MRAP: variants seen among roughly 807,000 people sequenced by gnomAD.
MRAP encodes the protein melanocortin-2 receptor accessory protein.
A neutral mutation model predicts 8.7 loss-of-function variants in MRAP; 8 were observed. That is an observed-to-expected ratio of 0.92 (90% CI 0.54 to 1.66). The LOEUF is 1.66. MRAP is among the 40% of genes most tolerant of loss of function. MRAP has a pLI of 0.00. For missense variants in MRAP, 237 were observed against 217.1 expected (o/e 1.09, Z -0.58); for synonymous variants, 95 against 95.5 (o/e 1.00, Z 0.03).
chr21:32,311,430 A>C, intron 2 of MRAP: 2 of 217,186 alleles, frequency 9.2e-6, no homozygotes, highest in South Asian at 2.7e-4. Context: ...CCCCATCCTA[A>C]ATCAATGTAG....
chr21:32,309,577 G>A (rs970498098), intron 2 of MRAP, among the ~76,000 whole-genome samples: 5 of 148,756 alleles, frequency 3.4e-5, no homozygotes, highest in Non-Finnish European at 6.0e-5. Flanking sequence ...TCAGCCTCCC[G>A]AGTAGCTGGG....
intron 2 of MRAP, 39 bp downstream of exon 2, chr21:32,306,778 C>T (rs1568799580): frequency 6.7e-6 from 10 of 1,497,710 alleles, no homozygotes; most frequent in East Asian, 4.5e-5. Context: ...GTCACTCAGA[C>T]GCTCTCCAGT....
upstream of MRAP, among the ~76,000 whole-genome samples, chr21:32,295,032 T>C (rs1266945266): frequency 3.3e-5 from 5 of 151,618 alleles, no homozygotes; most frequent in East Asian, 9.6e-4. Flanking sequence ...TATAGTATTC[T>C]ATCCAAGGCA....
At chr21:32,308,716 G>C (rs970781489) in intron 2 of MRAP, 3 of 152,942 alleles carry the variant, frequency 2.0e-5, no homozygotes, top group South Asian at 4.1e-4. Context: ...CCTGGCAAAA[G>C]AGCTGGGACT....
At chr21:32,300,945 CAAT>C (rs2032279012) in intron 1 of MRAP, among the ~76,000 whole-genome samples, 2 of 149,702 alleles carry the variant, frequency 1.3e-5, no homozygotes, top group South Asian at 2.1e-4. Context: ...TATGTCATAT[CAAT>C]GATATATCAT....
chr21:32,301,602 A>T (rs1351615162), intron 1 of MRAP, among the ~76,000 whole-genome samples: 1 of 152,228 alleles, frequency 6.6e-6, no homozygotes, highest in Non-Finnish European at 1.5e-5. Context: ...TCAATCTTAC[A>T]GCAGCAATAC....
rs572246057 is a variant in MRAP at position 32,303,361 on chromosome 21, T to C, written c.107-3279T>C. 1.1e-4 allele frequency among the ~76,000 whole-genome samples: 17 copies of C among 152,310 alleles called. 1 individual carries two copies. In the South Asian group the frequency reaches 3.3e-3, roughly 30 times the overall value. ...ATGGAGGAATGCTAAAACTGTTTAT[T>C]TAACAAAACAGAAGTGTCTACTATA... On this transcript the variant is annotated intron_variant, in intron 1 of 2. Coordinates refer to ENST00000303645, the MANE Select transcript of MRAP (RefSeq NM_001379228.1).
chr21:32,299,420 G>A (rs962370530), intron 1 of MRAP, among the ~76,000 whole-genome samples: 2 of 152,044 alleles, frequency 1.3e-5, no homozygotes, highest in East Asian at 1.9e-4. Flanking sequence ...CTGCAACCTC[G>A]ACTGCCCTGG....
rs147739525 is a variant in MRAP, at chr21:32,305,795, CCA to C, written c.107-842_107-841del. Among the ~76,000 whole-genome samples, 726 of 152,168 alleles carry C rather than the reference CCA, an allele frequency of 4.8e-3. 6 individuals are homozygous for C. Among genetic ancestry groups the C allele is most frequent in the African/African-American group, 0.016 (674 of 41,504 alleles). ...TAATTACGAGCCGGATTGCCCACAGCCACAGACAACCACCAAGAAAAACTGTC... is the reference window on the plus strand; with the variant it reads ...TAATTACGAGCCGGATTGCCCACAGCCAGACAACCACCAAGAAAAACTGTC... On this transcript the variant is annotated intron_variant, in intron 1 of 2. Transcript: ENST00000303645.
intron 2 of MRAP, 198 bp from the exon 3 acceptor site, chr21:32,311,486 A>G: frequency 1.7e-6 from 1 of 587,112 alleles, no homozygotes; most frequent in Non-Finnish European, 2.7e-6. Flanking sequence ...GTTCCTGACA[A>G]AGCACTTCCT....
upstream of MRAP, among the ~76,000 whole-genome samples, chr21:32,295,840 G>T (rs1601093445): frequency 6.6e-6 from 1 of 152,112 alleles, no homozygotes; most frequent in Non-Finnish European, 1.5e-5. Context: ...GCCAGACGTG[G>T]TGGCACCTGC....
At chr21:32,294,096 T>A (rs2123488151), upstream of MRAP, among the ~76,000 whole-genome samples, 1 of 152,206 alleles carries the variant, frequency 6.6e-6, no homozygotes, top group East Asian at 1.9e-4. Flanking sequence ...TGTAGAGGTA[T>A]CTACTGGTTT....
At chr21:32,299,311 G>A (rs1054049438) in intron 1 of MRAP, among the ~76,000 whole-genome samples, 2 of 152,180 alleles carry the variant, frequency 1.3e-5, no homozygotes, top group Admixed American at 1.3e-4. Flanking sequence ...AGACACTTTG[G>A]AAGCAGAATT....
At chr21:32,314,557 C>A (rs549308396), downstream of MRAP, 74 of 1,613,692 alleles carry the variant, frequency 4.6e-5, no homozygotes, top group South Asian at 7.6e-4. Flanking sequence ...TCAGCTTTAA[C>A]ACAGATGAAT....
At chr21:32,303,987 T>G (rs2833758) in intron 1 of MRAP, among the ~76,000 whole-genome samples, 31,898 of 152,138 alleles carry the variant, frequency 0.21, 5,244 homozygotes, top group African/African-American at 0.46. Context: ...TTGCTCAATA[T>G]CTGGGGATGA....
At chr21:32,309,449 A>ATT (rs375525509) in intron 2 of MRAP, among the ~76,000 whole-genome samples, 5 of 143,898 alleles carry the variant, frequency 3.5e-5, no homozygotes, top group African/African-American at 1.0e-4. Flanking sequence ...GAAGAAATTC[A>ATT]TTTTTTTTTT....
chr21:32,306,078 C>T lies in MRAP; in HGVS notation c.107-562C>T, dbSNP rs79441470. 8.4e-3 allele frequency among the ~76,000 whole-genome samples: 1,285 copies of T among 152,316 alleles called. 33 individuals are homozygous for T. The East Asian group carries it at 0.086, about 10-fold the overall frequency. On this transcript the variant is annotated intron_variant, in intron 1 of 2. Coordinates refer to ENST00000303645, the MANE Select transcript of MRAP (RefSeq NM_001379228.1). ...CTGAGAGAGGGACTCGCTATTTCCA[C>T]CTTGCCGATCCAGGCATGAGCAGAC...
downstream of MRAP, chr21:32,314,758 A>G (rs2032653598): frequency 7.0e-7 from 1 of 1,437,432 alleles, no homozygotes; most frequent in South Asian, 1.2e-5. Flanking sequence ...GCAGTTCAAT[A>G]AAGTCCTCTC....
Position 32,311,763 on chromosome 21 carries a change from T to C in MRAP, c.286T>C (p.Cys96Arg), listed in dbSNP as rs534626403. 7 of 1,614,116 alleles carry C rather than the reference T, an allele frequency of 4.3e-6. No homozygotes were observed. The South Asian group carries it at 7.7e-5, about 18-fold the overall frequency. Residue 96 changes from cysteine to arginine, a missense_variant, in exon 3 of 3, where the codon TGC (cysteine) becomes CGC (arginine). By Grantham distance (180) the Cys-to-Arg change is radical. Transcript: ENST00000303645. ...CCTCTGCATCCAGAAGTGCCTGCCG[T>C]GCCACAGGGAACCCCTGGCAACCTC... Reference protein sequence around the residue: ...LHLCIQKCLPCHREPLATSQA... With the variant: ...LHLCIQKCLPRHREPLATSQA...
Sources: gnomAD v4.1 joint callset for allele counts (sites outside exome capture counted in the v4.1 genomes callset) on GRCh38, gnomAD v4.1.1 for gene constraint, MANE v1.5 for transcripts, NCBI Gene and HGNC (gene_info 2026-07-23, HGNC 2026-07-21) for gene names.